FOSL2: variants seen among roughly 807,000 people sequenced by gnomAD.
FOSL2 encodes FOS like 2, AP-1 transcription factor subunit.
Under a neutral mutation model 27.7 loss-of-function variants are expected in FOSL2, and 3 were observed. The observed-to-expected ratio is 0.11, with a 90% CI of 0.05 to 0.28. FOSL2 has a LOEUF of 0.28. Ranked by LOEUF, FOSL2 falls within the 10% of genes least tolerant of loss-of-function variation. FOSL2 has a pLI of 1.00. For synonymous variants in FOSL2, 179 were observed against 190.1 expected, an observed-to-expected ratio of 0.94 and a Z score of 0.48; for missense variants, 333 against 445.1, an observed-to-expected ratio of 0.75 and a Z score of 2.27.
In FOSL2 at chr2:28,412,276, C is replaced by T. The variant is rs1664220590; in HGVS notation, c.809C>T (p.Thr270Ile). ...CACACCCCCATCGTGGTGACCTCCA[C>T]ACCTGCTGTCACTCCGGGCACCTCG... ...PLHTPIVVTSTPAVTPGTSNL... is the reference protein window; with the variant it reads ...PLHTPIVVTSIPAVTPGTSNL... The change falls in exon 4 of 4, where the codon ACA becomes ATA. Residue 270 changes from threonine (T) to isoleucine (I), a missense_variant. This residue lies in a region of FOSL2 where 136 missense variants were observed against 123.7 expected (regional missense o/e 1.10). Transcript: ENST00000264716. This position sits in a 1 kb window ranked among gnomAD's most constrained non-coding sequence, Gnocchi z 7.1. 6.2e-7 allele frequency: 1 copy of T among 1,614,008 alleles called. No homozygotes were observed. The highest frequency in any genetic ancestry group is 1.7e-5 in the Admixed American group (1 of 60,010).
chr2:28,405,760 A>G (rs1664063565), intron 2 of FOSL2, among the ~76,000 whole-genome samples: 1 of 152,172 alleles, frequency 6.6e-6, no homozygotes, highest in African/African-American at 2.4e-5. Context: ...ACTATAATGG[A>G]TTCACAGCTG....
chr2:28,412,046 T>C lies in FOSL2; in HGVS notation c.579T>C (p.Ile193=). ...MLVAHGPVCK[I]SPEERRSPPA... Reference sequence around the variant, plus strand: ...TGGCTCACGGCCCAGTGTGCAAGATTAGCCCCGAGGAGCGCCGATCGCCCC... The same window carrying C: ...TGGCTCACGGCCCAGTGTGCAAGATCAGCCCCGAGGAGCGCCGATCGCCCC... Residue 193 remains isoleucine (I), a synonymous_variant, in exon 4 of 4, where the codon ATT becomes ATC. Transcript: ENST00000264716. The surrounding 1 kb of genome is among the most constrained non-coding windows in gnomAD (Gnocchi z 7.1). The C allele has an allele frequency of 1.9e-6, 3 of 1,609,448 alleles. No individual in the cohort carries two copies. Among genetic ancestry groups the C allele is most frequent in the Non-Finnish European group, 2.5e-6 (3 of 1,179,898 alleles).
intron 1 of FOSL2, among the ~76,000 whole-genome samples, chr2:28,403,600 A>G (rs1664017246): frequency 6.6e-6 from 1 of 152,148 alleles, no homozygotes. Flanking sequence ...TTGGAAAGTG[A>G]CAAAGGCAGA....
At chr2:28,400,672 G>A (rs955499178) in intron 1 of FOSL2, among the ~76,000 whole-genome samples, 1 of 152,190 alleles carries the variant, frequency 6.6e-6, no homozygotes, top group Non-Finnish European at 1.5e-5. Flanking sequence ...CGTTTCAGAG[G>A]CAGTCATTAC....
chr2:28,401,328 A>G (rs1663969310), intron 1 of FOSL2, among the ~76,000 whole-genome samples: 1 of 151,810 alleles, frequency 6.6e-6, no homozygotes, highest in Admixed American at 6.6e-5. Flanking sequence ...TGTGTTTTTT[A>G]CAAGCTCCTT....
At chr2:28,405,093 G>GCA (rs1664049669) in intron 2 of FOSL2, among the ~76,000 whole-genome samples, 2 of 152,196 alleles carry the variant, frequency 1.3e-5, no homozygotes, top group Non-Finnish European at 2.9e-5. Context: ...TATTTAGGCA[G>GCA]CACCTACCTA....
rs1414031207 is a variant in FOSL2 at position 28,408,319 on chromosome 2, G to A, written c.355-440G>A. On this transcript the variant is annotated intron_variant, in intron 2 of 3. Transcript: ENST00000264716. This position sits in a 1 kb window ranked among gnomAD's most constrained non-coding sequence, Gnocchi z 4.1. ...AGGCTTGCAGAGCAGGCAGAGTGAT[G>A]GGAGGAGAAATTAGCCAGGGTTTGG... is the stretch of plus-strand genomic sequence containing the variant. Among the ~76,000 whole-genome samples, 1 of 152,204 alleles carries A rather than the reference G, an allele frequency of 6.6e-6. No individual in the cohort carries two copies. Among genetic ancestry groups the A allele is most frequent in the Non-Finnish European group, 1.5e-5 (1 of 68,036 alleles).
At chr2:28,406,708 C>T (rs1001944032) in intron 2 of FOSL2, among the ~76,000 whole-genome samples, 1 of 152,232 alleles carries the variant, frequency 6.6e-6, no homozygotes, top group African/African-American at 2.4e-5. Flanking sequence ...CATCTCCCAG[C>T]AGCTTTAAGG....
At chr2:28,401,238 T>TAAA (rs11377007) in intron 1 of FOSL2, among the ~76,000 whole-genome samples, 2 of 141,752 alleles carry the variant, frequency 1.4e-5, no homozygotes, top group Non-Finnish European at 3.1e-5. Context: ...CTTGGGGGTT[T>TAAA]AAAAAAAAAA....
Position 28,412,414 on chromosome 2 carries a change from A to T in FOSL2, c.947A>T (p.Asp316Val). ...AGTAGCAGCGGGGACCAATCATCAG[A>T]CTCCTTGAACTCCCCCACTCTGCTG... Reference protein sequence around the residue: ...RSSSSGDQSSDSLNSPTLLAL With the variant: ...RSSSSGDQSSVSLNSPTLLAL Residue 316 changes from aspartate to valine, a missense_variant, in exon 4 of 4, where the codon GAC becomes GTC. Asp to Val is a radical substitution (Grantham distance 152). Transcript: ENST00000264716. The surrounding 1 kb of genome is among the most constrained non-coding windows in gnomAD (Gnocchi z 7.1). 6.3e-7 allele frequency: 1 copy of T among 1,599,170 alleles called. No homozygotes were observed. Among genetic ancestry groups the T allele is most frequent in the Non-Finnish European group, 8.5e-7 (1 of 1,179,024 alleles).
rs773062179 is a variant in FOSL2, at chr2:28,404,187, G to T, written c.183G>T (p.Gln61His). 2 of 1,614,234 alleles carry T rather than the reference G, an allele frequency of 1.2e-6. No individual in the cohort carries two copies. ...CCATCACGACCAGCCAGGACCTGCA[G>T]TGGATGGTGCAGCCCACAGTGATCA... ...INAITTSQDL[Q>H]WMVQPTVITS... The change falls in exon 2 of 4, where the codon CAG (glutamine) becomes CAT (histidine). Residue 61 changes from glutamine (Q) to histidine (H), a missense_variant. Around this residue, in one of 4 missense-constraint regions of FOSL2, gnomAD observed 131 missense variants for 157.9 expected, o/e 0.83. Coordinates refer to ENST00000264716, the MANE Select transcript of FOSL2 (RefSeq NM_005253.4). The surrounding 1 kb of genome is among the most constrained non-coding windows in gnomAD (Gnocchi z 4.7).
Position 28,404,546 on chromosome 2 carries a change from C to A in FOSL2, c.354+188C>A, listed in dbSNP as rs1350323880. 2.0e-5 allele frequency among the ~76,000 whole-genome samples: 3 copies of A among 152,194 alleles called. No homozygotes were observed. On this transcript the variant is annotated intron_variant, in intron 2 of 3. Transcript: ENST00000264716. The surrounding 1 kb of genome is among the most constrained non-coding windows in gnomAD (Gnocchi z 4.7). ...TGGAGAGCCAAGACTCAGGCTGGCTCTGTCATCTCGCTTATGTCCCTTAGA... is the reference window on the plus strand; with the variant it reads ...TGGAGAGCCAAGACTCAGGCTGGCTATGTCATCTCGCTTATGTCCCTTAGA...
rs924082762 is a variant in FOSL2 at position 28,393,287 on chromosome 2, G to A, written c.-434G>A. The A allele has an allele frequency of 1.1e-4, 24 of 209,680 alleles. No individual in the cohort carries two copies. The East Asian group carries it at 3.3e-3, about 29-fold the overall frequency. The allele number at this position is 209,680 out of a possible 1,614,324, so 13.0% of individuals were successfully genotyped here. A position where few individuals can be genotyped will look rare whatever the true frequency, so the allele number is the denominator to read the frequency against. On this transcript the variant is annotated 5_prime_UTR_variant, in exon 1 of 4. Coordinates refer to ENST00000264716, the MANE Select transcript of FOSL2 (RefSeq NM_005253.4). The surrounding 1 kb of genome is among the most constrained non-coding windows in gnomAD (Gnocchi z 4.6). ...CTTTTCTTTCCGCCTTTTTGGCCCT[G>A]TCTGAAATCGGGGGTCCCCAGGGCT...
chr2:28,400,161 G>A (rs1022576304), intron 1 of FOSL2, among the ~76,000 whole-genome samples: 3 of 152,162 alleles, frequency 2.0e-5, no homozygotes, highest in African/African-American at 7.2e-5. Context: ...AGCCGAGTGA[G>A]GTTTTGGGTT....
chr2:28,399,725 T>C (rs1558565810), intron 1 of FOSL2, among the ~76,000 whole-genome samples: 2 of 152,216 alleles, frequency 1.3e-5, no homozygotes, highest in Non-Finnish European at 2.9e-5. Flanking sequence ...TTATTTCCTC[T>C]GTATTCGTTT....
intron 3 of FOSL2, 132 bp from the exon 4 acceptor site, chr2:28,411,798 C>A: frequency 2.3e-6 from 2 of 887,560 alleles, no homozygotes; most frequent in Non-Finnish European, 3.6e-6. Flanking sequence ...AGACTCAGAC[C>A]AGCGGGGTCT....
chr2:28,406,608 CAT>C (rs1664088788), intron 2 of FOSL2, among the ~76,000 whole-genome samples: 3 of 152,238 alleles, frequency 2.0e-5, no homozygotes, highest in Admixed American at 2.0e-4. Context: ...AGGCGTGCCT[CAT>C]ACAATCTGTC....
intron 1 of FOSL2, among the ~76,000 whole-genome samples, chr2:28,401,271 C>A (rs1663966695): frequency 6.6e-6 from 1 of 151,908 alleles, no homozygotes; most frequent in South Asian, 2.1e-4. Context: ...AGAGCCCTGC[C>A]CCAAACCAAT....
In FOSL2 at chr2:28,393,674, G is replaced by A. The variant is rs1189441961; in HGVS notation, c.-47G>A. On this transcript the variant is annotated 5_prime_UTR_variant, in exon 1 of 4. Transcript: ENST00000264716. This position sits in a 1 kb window ranked among gnomAD's most constrained non-coding sequence, Gnocchi z 4.6. ...GCCGGTGCGCGGCCGCGGCGAGGGC[G>A]GGGGAAGAAAAACACCCTGTTTCCT... The A allele has an allele frequency of 7.1e-7, 1 of 1,413,780 alleles. No individual in the cohort carries two copies. Among genetic ancestry groups the A allele is most frequent in the Non-Finnish European group, 9.7e-7 (1 of 1,026,550 alleles). The allele number at this position is 1,413,780 out of a possible 1,614,324, so 87.6% of individuals were successfully genotyped here.
Sources: allele counts gnomAD v4.1 joint callset (sites outside exome capture counted in the v4.1 genomes callset), GRCh38; gene constraint gnomAD v4.1.1; regional missense constraint gnomAD v4.1.1; non-coding constraint Gnocchi (gnomAD v3.1); transcripts MANE v1.5; gene names NCBI Gene and HGNC (gene_info 2026-07-23, HGNC 2026-07-21).